UTP6: variants seen among roughly 807,000 people sequenced by gnomAD.
UTP6 encodes the protein U3 small nucleolar RNA-associated protein 6 homolog.
A neutral mutation model predicts 96.5 loss-of-function variants in UTP6; 60 were observed. That is an observed-to-expected ratio of 0.62 (90% CI 0.51 to 0.77). The LOEUF (loss-of-function observed/expected upper bound fraction) is 0.77. UTP6 is among the 30% of genes least tolerant of loss of function. The pLI is 0.00. For synonymous variants in UTP6, 215 were observed against 240.1 expected (o/e 0.90, Z 0.96); for missense variants, 637 against 706.5 (o/e 0.90, Z 1.12).
intron 8 of UTP6, among the ~76,000 whole-genome samples, chr17:31,886,358 A>C (rs894784310): frequency 6.6e-6 from 1 of 152,168 alleles, no homozygotes; most frequent in Non-Finnish European, 1.5e-5. Flanking sequence ...TCTCTGTAAC[A>C]TTTTATTTGA....
In UTP6 at chr17:31,890,186, G is replaced by C. The variant is rs1452772913; in HGVS notation, c.425-783C>G. ...TAAATTTTGTAACTTTGTAGAGATG[G>C]GTTTTCACCATGTTGCTCAGGCTGG... is the stretch of plus-strand genomic sequence containing the variant. On this transcript the variant is annotated intron_variant, in intron 6 of 18. Transcript: ENST00000261708. 2.6e-5 allele frequency among the ~76,000 whole-genome samples: 4 copies of C among 151,910 alleles called. No homozygotes were observed. In the East Asian group the frequency reaches 7.9e-4, roughly 30 times the overall value.
At chr17:31,885,441 G>A (rs910865086) in intron 9 of UTP6, among the ~76,000 whole-genome samples, 6 of 148,340 alleles carry the variant, frequency 4.0e-5, no homozygotes, top group Non-Finnish European at 7.4e-5. Context: ...CACCATACCC[G>A]GCCCAAACCT....
chr17:31,868,136 A>G (rs767239581), intron 16 of UTP6, 24 bp from the exon 17 acceptor site: 7 of 1,603,640 alleles, frequency 4.4e-6, no homozygotes, highest in Non-Finnish European at 6.0e-6. Flanking sequence ...AGAAAACGTT[A>G]TCTTCAACAA....
intron 18 of UTP6, 123 bp from the exon 19 acceptor site, chr17:31,863,639 C>T: frequency 2.3e-6 from 2 of 859,632 alleles, no homozygotes; most frequent in Non-Finnish European, 3.5e-6. Context: ...CCCTAGGACG[C>T]TTTGTTTAAC....
chr17:31,870,013 C>A (rs1171220221), intron 16 of UTP6, among the ~76,000 whole-genome samples: 1 of 152,110 alleles, frequency 6.6e-6, no homozygotes, highest in Non-Finnish European at 1.5e-5. Flanking sequence ...TTTTGTTGTT[C>A]TTTATGGCTG....
intron 1 of UTP6, chr17:31,901,296 CA>C: frequency 1.9e-6 from 1 of 517,378 alleles, no homozygotes; most frequent in South Asian, 2.3e-5. Context: ...ATCACCTTTA[CA>C]GCCCTAAGAC....
chr17:31,869,919 T>C (rs568773375), intron 16 of UTP6, among the ~76,000 whole-genome samples: 14 of 152,224 alleles, frequency 9.2e-5, no homozygotes, highest in South Asian at 2.1e-4. Context: ...AGTGAGAACA[T>C]GTGGTATTTG....
intron 17 of UTP6, among the ~76,000 whole-genome samples, chr17:31,865,782 A>G (rs1909776463): frequency 2.0e-5 from 3 of 152,228 alleles, no homozygotes; most frequent in Admixed American, 2.0e-4. Context: ...CGCTTTGAGT[A>G]AGGATTTCTT....
At chr17:31,884,002 AT>A (rs11444704) in intron 10 of UTP6, among the ~76,000 whole-genome samples, 27 of 140,322 alleles carry the variant, frequency 1.9e-4, no homozygotes, top group South Asian at 2.3e-4. Flanking sequence ...TATGATATTA[AT>A]TTTTTTTTTT....
At chr17:31,895,854 C>T (rs146652160) in intron 2 of UTP6, among the ~76,000 whole-genome samples, 3,677 of 151,440 alleles carry the variant, frequency 0.024, 68 homozygotes, top group Middle Eastern at 0.051. Flanking sequence ...TATTTCTACT[C>T]AACATTATCC....
chr17:31,893,592 C>T (rs969936054), intron 4 of UTP6, among the ~76,000 whole-genome samples: 5 of 150,876 alleles, frequency 3.3e-5, no homozygotes, highest in Non-Finnish European at 7.4e-5. Flanking sequence ...TAGCCAGGCG[C>T]GGTGGTGCGT....
chr17:31,893,471 C>T (rs1904450858), intron 4 of UTP6, among the ~76,000 whole-genome samples: 2 of 149,414 alleles, frequency 1.3e-5, no homozygotes, highest in South Asian at 2.1e-4. Flanking sequence ...ATGGCTCAGG[C>T]CTGTAATCCC....
At chr17:31,872,553 G>A (rs532017281) in intron 16 of UTP6, among the ~76,000 whole-genome samples, 2 of 151,858 alleles carry the variant, frequency 1.3e-5, no homozygotes, top group East Asian at 3.9e-4. Context: ...GTACATGCCT[G>A]TAGACCCAGA....
At chr17:31,866,640 G>A (rs1909833720) in intron 17 of UTP6, 2 of 147,976 alleles carry the variant, frequency 1.4e-5, no homozygotes, top group South Asian at 2.1e-4. Flanking sequence ...GCTGAGGCAA[G>A]AGAATTGCTT....
chr17:31,885,574 G>C (rs1486352258), intron 9 of UTP6, among the ~76,000 whole-genome samples: 3 of 151,988 alleles, frequency 2.0e-5, no homozygotes, highest in Non-Finnish European at 4.4e-5. Flanking sequence ...CAGGTCACAA[G>C]GTCAGGAGTA....
rs1273811567 is a variant in UTP6 at position 31,863,301 on chromosome 17, T to C, written c.*58A>G. 1 of 1,584,786 alleles carries C rather than the reference T, an allele frequency of 6.3e-7. No homozygotes were observed. Among genetic ancestry groups the C allele is most frequent in the Non-Finnish European group, 8.6e-7 (1 of 1,163,060 alleles). ...AAATTACAGATGGACTCAATACAAA[T>C]TTGCCCACGGGGCTTGCTTGCAATA... On this transcript the variant is annotated 3_prime_UTR_variant, in exon 19 of 19. Transcript: ENST00000261708.
chr17:31,886,278 T>C (rs1455334955), intron 8 of UTP6, among the ~76,000 whole-genome samples: 1 of 152,178 alleles, frequency 6.6e-6, no homozygotes, highest in African/African-American at 2.4e-5. Context: ...GGTGGCAAGA[T>C]CACATGGCTT....
At chr17:31,864,291 G>A (rs1215291762) in intron 18 of UTP6, among the ~76,000 whole-genome samples, 2 of 152,146 alleles carry the variant, frequency 1.3e-5, no homozygotes, top group African/African-American at 4.8e-5. Flanking sequence ...GGAGGCTGAG[G>A]CACGAGAATC....
chr17:31,865,677 A>G (rs1287211651), intron 17 of UTP6, among the ~76,000 whole-genome samples: 3 of 152,244 alleles, frequency 2.0e-5, no homozygotes, highest in Non-Finnish European at 4.4e-5. Flanking sequence ...GCTATTAGAA[A>G]AAAGTGGGGG....
Sources: gnomAD v4.1 joint callset for allele counts (sites outside exome capture counted in the v4.1 genomes callset) on GRCh38, gnomAD v4.1.1 for gene constraint, MANE v1.5 for transcripts, NCBI Gene and HGNC (gene_info 2026-07-23, HGNC 2026-07-21) for gene names.